The following COL25A1 variants were observed in gnomAD, a reference collection of about 807,000 sequenced individuals.
COL25A1 encodes the protein collagen alpha-1(XXV) chain.
COL25A1 carries 103 observed loss-of-function variants against 128.4 expected under a neutral mutation model. The observed-to-expected ratio is 0.80, with a 90% CI of 0.68 to 0.94. The LOEUF is 0.94. Ranked by LOEUF, COL25A1 falls within the 40% of genes least tolerant of loss-of-function variation. The pLI, the probability that COL25A1 is intolerant of heterozygous loss-of-function variation, is 0.00. For missense variants in COL25A1, 745 were observed against 840.0 expected (o/e 0.89, Z 1.40); for synonymous variants, 279 against 277.2 (o/e 1.01, Z -0.06).
chr4:108,980,356 T>C (rs1752851317), intron 6 of COL25A1, among the ~76,000 whole-genome samples: 2 of 152,202 alleles, frequency 1.3e-5, no homozygotes, highest in Non-Finnish European at 2.9e-5. Context: ...TGATTGGACA[T>C]GGGGGCCACT....
intron 8 of COL25A1, among the ~76,000 whole-genome samples, chr4:108,955,041 A>G (rs1462843928): frequency 6.6e-6 from 1 of 151,968 alleles, no homozygotes; most frequent in Non-Finnish European, 1.5e-5. Flanking sequence ...GAGATAAGTG[A>G]CCAGTTCTAC....
intron 3 of COL25A1, among the ~76,000 whole-genome samples, chr4:109,070,877 A>G (rs1762903933): frequency 6.6e-6 from 1 of 151,838 alleles, no homozygotes; most frequent in Non-Finnish European, 1.5e-5. Flanking sequence ...ATCCTTTTTT[A>G]TGGCTGCATA....
chr4:108,908,802 G>C (rs1056051357), intron 13 of COL25A1, among the ~76,000 whole-genome samples: 1 of 152,182 alleles, frequency 6.6e-6, no homozygotes, highest in African/African-American at 2.4e-5. Flanking sequence ...AATTTGGTGG[G>C]TAGGGGGCCA....
chr4:108,816,709 C>T (rs1031871599), intron 37 of COL25A1, among the ~76,000 whole-genome samples: 3 of 152,128 alleles, frequency 2.0e-5, no homozygotes, highest in African/African-American at 7.2e-5. Flanking sequence ...TTTGTTTCCT[C>T]ATCTGCATCA....
At chr4:109,131,690 G>A (rs1481221973) in intron 3 of COL25A1, among the ~76,000 whole-genome samples, 1 of 152,142 alleles carries the variant, frequency 6.6e-6, no homozygotes, top group African/African-American at 2.4e-5. Flanking sequence ...GAGAGCAGGA[G>A]TGTGACGTTC....
chr4:108,983,501 C>T (rs879742586), intron 6 of COL25A1, among the ~76,000 whole-genome samples: 4 of 152,162 alleles, frequency 2.6e-5, no homozygotes, highest in East Asian at 1.9e-4. Context: ...CATTGTTTGC[C>T]GGTCAGTTGG....
intron 36 of COL25A1, among the ~76,000 whole-genome samples, chr4:108,817,815 C>G (rs1417401730): frequency 4.6e-5 from 7 of 152,064 alleles, no homozygotes; most frequent in Admixed American, 4.6e-4. Context: ...ACTTCTCTTC[C>G]CGGTCACTAT....
chr4:108,912,632 C>T (rs1415938910), intron 13 of COL25A1, among the ~76,000 whole-genome samples: 2 of 152,012 alleles, frequency 1.3e-5, no homozygotes, highest in Admixed American at 6.5e-5. Context: ...ATGTAGGTGG[C>T]AGTAAATATA....
At chr4:109,134,786 AC>A (rs1769552142) in intron 3 of COL25A1, among the ~76,000 whole-genome samples, 1 of 152,170 alleles carries the variant, frequency 6.6e-6, no homozygotes, top group Non-Finnish European at 1.5e-5. Flanking sequence ...GCAAACAACT[AC>A]GTGGAAAGGT....
At chr4:109,060,184 A>G (rs1289452795) in intron 3 of COL25A1, among the ~76,000 whole-genome samples, 2 of 152,208 alleles carry the variant, frequency 1.3e-5, no homozygotes, top group East Asian at 1.9e-4. Flanking sequence ...TTTACCTGTG[A>G]GGTACTGAGC....
chr4:109,301,859 A>T lies in COL25A1; in HGVS notation c.161T>A (p.Val54Glu), dbSNP rs1425231368. ...VAVVSCLYLG[V>E]KTNDLQARIA... ...CCTCGCCTGGAGGTCGTTGGTTTTCACACCCAGGTACAGGCAAGACACCAC... is the reference window on the plus strand; with the variant it reads ...CCTCGCCTGGAGGTCGTTGGTTTTCTCACCCAGGTACAGGCAAGACACCAC... The change falls in exon 2 of 38, where the codon GTG becomes GAG. Residue 54 changes from valine to glutamate, a missense_variant. This residue lies in a region of COL25A1 where 319 missense variants were observed against 324.9 expected (regional missense o/e 0.98). Transcript: ENST00000399132. 1 of 1,614,078 alleles carries T rather than the reference A, an allele frequency of 6.2e-7. No homozygotes were observed. Among genetic ancestry groups the T allele is most frequent in the African/African-American group, 1.3e-5 (1 of 74,944 alleles).
intron 3 of COL25A1, among the ~76,000 whole-genome samples, chr4:109,074,392 G>A (rs568740721): frequency 2.0e-5 from 3 of 152,242 alleles, no homozygotes; most frequent in South Asian, 2.1e-4. Context: ...AACAATTCTA[G>A]TCCCCCCACC....
intron 19 of COL25A1, among the ~76,000 whole-genome samples, chr4:108,877,334 C>T (rs1265176355): frequency 1.3e-5 from 2 of 152,082 alleles, no homozygotes; most frequent in African/African-American, 4.8e-5. Flanking sequence ...CTAATGTGCA[C>T]TATATTTGAA....
chr4:109,269,054 G>A, intron 3 of COL25A1, among the ~76,000 whole-genome samples: 1 of 149,868 alleles, frequency 6.7e-6, no homozygotes, highest in African/African-American at 2.5e-5. Context: ...CTAGCATTAG[G>A]TATATCTCCC....
At chr4:109,196,071 G>C (rs1214906747) in intron 3 of COL25A1, among the ~76,000 whole-genome samples, 1 of 152,206 alleles carries the variant, frequency 6.6e-6, no homozygotes, top group Non-Finnish European at 1.5e-5. Context: ...TGCTAGTGTA[G>C]TGGTCTTGGA....
intron 6 of COL25A1, among the ~76,000 whole-genome samples, chr4:108,982,780 TATTA>T (rs1753124977): frequency 6.6e-6 from 1 of 152,206 alleles, no homozygotes; most frequent in Admixed American, 6.5e-5. Context: ...TTTTTATGGC[TATTA>T]TTTTCTGGGC....
At chr4:109,070,709 C>T (rs1234456652) in intron 3 of COL25A1, among the ~76,000 whole-genome samples, 2 of 133,836 alleles carry the variant, frequency 1.5e-5, no homozygotes, top group African/African-American at 5.6e-5. Flanking sequence ...ACAACAGGCC[C>T]GGTGTGTGAT....
chr4:109,232,019 T>C (rs1779196351), intron 3 of COL25A1, among the ~76,000 whole-genome samples: 2 of 152,240 alleles, frequency 1.3e-5, no homozygotes, highest in Admixed American at 6.5e-5. Context: ...GAAGTCATCA[T>C]TTCAATTTCT....
Position 109,301,816 on chromosome 4 carries a change from G to A in COL25A1, c.204C>T (p.Ser68=), listed in dbSNP as rs34727311. The A allele has an allele frequency of 2.3e-3, 3,747 of 1,614,252 alleles. 59 individuals are homozygous for A. The African/African-American group carries it at 0.037, about 16-fold the overall frequency. The change falls in exon 2 of 38, where the codon TCC becomes TCT. Residue 68 remains serine, a synonymous_variant. Transcript: ENST00000399132. ...GATGAATGGAAGGGGCCCCTTTGGC[G>A]GATTCGAGAGCGGCGATCCTCGCCT... ...DLQARIAALE[S]AKGAPSIHLL... is the part of the protein sequence containing the mutation.
Sources: gnomAD v4.1 joint callset for allele counts (sites outside exome capture counted in the v4.1 genomes callset) on GRCh38, gnomAD v4.1.1 for gene constraint, gnomAD v4.1.1 regional missense constraint, MANE v1.5 for transcripts, NCBI Gene and HGNC (gene_info 2026-07-23, HGNC 2026-07-21) for gene names.